The following RFTN2 variants were observed in gnomAD, a reference collection of about 807,000 sequenced individuals.
The protein encoded by RFTN2 is raftlin family member 2.
In RFTN2, 34 loss-of-function variants were observed where a neutral mutation model predicts 52.7. The ratio of observed to expected loss-of-function variants is 0.64; its 90% CI spans 0.49 to 0.86. RFTN2 has a LOEUF of 0.86. Among genes scored for constraint, RFTN2 ranks in the 40% least tolerant of loss-of-function variants. RFTN2 has a pLI of 0.00. For synonymous variants in RFTN2, 203 were observed against 217.7 expected, an observed-to-expected ratio of 0.93 and a Z score of 0.59; for missense variants, 536 against 600.1, an observed-to-expected ratio of 0.89 and a Z score of 1.12.
At chr2:197,675,587 C>CAAAAA (rs1559372035), upstream of RFTN2, 55 of 15,780 alleles carry the variant, frequency 3.5e-3, no homozygotes, top group East Asian at 0.1. Context: ...CTATAGATAA[C>CAAAAA]CAAAAAAAAA....
chr2:197,615,988 A>G lies in RFTN2; in HGVS notation c.1051-9T>C. The G allele has an allele frequency of 6.7e-7, 1 of 1,497,188 alleles. No individual in the cohort carries two copies. The highest frequency in any genetic ancestry group is 9.1e-7 in the Non-Finnish European group (1 of 1,097,008). 92.7% of individuals were successfully genotyped at this position (1,497,188 alleles called of 1,614,324 possible). On this transcript the variant is annotated splice_polypyrimidine_tract_variant and intron_variant, in intron 6 of 8. Transcript: ENST00000295049. The stretch of plus-strand genomic sequence containing the variant: ...GTTTTGATTTCACATCCCTGCATGA[A>G]TAAGTATAAGAGCTCATAGTCTAAT...
intron 7 of RFTN2, among the ~76,000 whole-genome samples, chr2:197,615,413 A>T (rs917083868): frequency 1.1e-4 from 17 of 152,390 alleles, no homozygotes; most frequent in African/African-American, 3.8e-4. Flanking sequence ...CTCTCAAAAA[A>T]GTAAGATTCA....
chr2:197,606,326 A>T (rs1035631780), intron 7 of RFTN2, among the ~76,000 whole-genome samples: 1 of 152,218 alleles, frequency 6.6e-6, no homozygotes, highest in South Asian at 2.1e-4. Context: ...GGCACTCAAG[A>T]AATATTTGAG....
intron 1 of RFTN2, among the ~76,000 whole-genome samples, chr2:197,669,473 A>G (rs1394521871): frequency 1.3e-5 from 2 of 152,076 alleles, no homozygotes; most frequent in African/African-American, 4.8e-5. Context: ...TAACACTAGG[A>G]CAGCGGTCCC....
At chr2:197,589,804 G>C (rs200749414) in intron 8 of RFTN2, among the ~76,000 whole-genome samples, 2 of 151,344 alleles carry the variant, frequency 1.3e-5, no homozygotes, top group Non-Finnish European at 1.5e-5. Context: ...TTTGTGGCTT[G>C]TCTTTTCCTT....
chr2:197,575,829 A>ATTT (rs1198097937), intron 8 of RFTN2, among the ~76,000 whole-genome samples: 5 of 83,522 alleles, frequency 6.0e-5, no homozygotes, highest in African/African-American at 8.1e-5. Context: ...TATTCTATAT[A>ATTT]TAATATATTA....
intron 5 of RFTN2, among the ~76,000 whole-genome samples, chr2:197,621,682 T>C (rs2088268604): frequency 6.6e-6 from 1 of 152,214 alleles, no homozygotes; most frequent in South Asian, 2.1e-4. Flanking sequence ...TTCTGACTGC[T>C]CCACTGACTG....
At chr2:197,660,899 C>A (rs1318626383) in intron 1 of RFTN2, among the ~76,000 whole-genome samples, 1 of 152,014 alleles carries the variant, frequency 6.6e-6, no homozygotes, top group South Asian at 2.1e-4. Context: ...AATTTCAAGT[C>A]CTCTCTTACT....
chr2:197,636,179 TC>T (rs2088562911), intron 3 of RFTN2, among the ~76,000 whole-genome samples: 1 of 151,776 alleles, frequency 6.6e-6, no homozygotes, highest in South Asian at 2.1e-4. Context: ...GTGTGATGCC[TC>T]CAGCTTTGTT....
chr2:197,650,906 C>T (rs932642087), intron 1 of RFTN2, among the ~76,000 whole-genome samples: 7 of 152,194 alleles, frequency 4.6e-5, no homozygotes, highest in Non-Finnish European at 8.8e-5. Context: ...TACATTCCCA[C>T]CAACAGTACA....
At chr2:197,627,841 C>T (rs2088391186) in intron 5 of RFTN2, among the ~76,000 whole-genome samples, 1 of 152,026 alleles carries the variant, frequency 6.6e-6, no homozygotes, top group African/African-American at 2.4e-5. Flanking sequence ...TTACACTCTG[C>T]TGAAGTAGAA....
intron 4 of RFTN2, among the ~76,000 whole-genome samples, chr2:197,632,760 A>T (rs1404357108): frequency 6.6e-6 from 1 of 152,166 alleles, no homozygotes; most frequent in African/African-American, 2.4e-5. Flanking sequence ...GGTGGAGCTT[A>T]TGTGGCTAAA....
chr2:197,615,648 G>T, intron 7 of RFTN2, among the ~76,000 whole-genome samples: 1 of 152,142 alleles, frequency 6.6e-6, no homozygotes. Flanking sequence ...CCTGGCTGTG[G>T]GCTGGGGTGA....
intron 5 of RFTN2, among the ~76,000 whole-genome samples, chr2:197,625,433 C>T (rs1385565610): frequency 2.6e-5 from 4 of 151,980 alleles, no homozygotes; most frequent in Non-Finnish European, 4.4e-5. Flanking sequence ...TTTTTTGGTT[C>T]CCCTGTCATT....
At chr2:197,616,338 C>T (rs1212156030) in intron 6 of RFTN2, among the ~76,000 whole-genome samples, 10 of 47,750 alleles carry the variant, frequency 2.1e-4, no homozygotes, top group Admixed American at 2.0e-3. Context: ...TACATCCAGG[C>T]TAGGGTGCAG....
intron 1 of RFTN2, among the ~76,000 whole-genome samples, chr2:197,659,375 T>C (rs1469406738): frequency 6.6e-6 from 1 of 150,490 alleles, no homozygotes; most frequent in African/African-American, 2.5e-5. Context: ...GGTACACTCC[T>C]GTAGGCCCAG....
intron 1 of RFTN2, among the ~76,000 whole-genome samples, chr2:197,650,881 A>T (rs775229733): frequency 6.6e-6 from 1 of 152,206 alleles, no homozygotes; most frequent in Admixed American, 6.5e-5. Context: ...GTTTTCTATG[A>T]TGGCTGAACT....
At chr2:197,661,483 G>A (rs2088976557) in intron 1 of RFTN2, among the ~76,000 whole-genome samples, 1 of 151,922 alleles carries the variant, frequency 6.6e-6, no homozygotes, top group Non-Finnish European at 1.5e-5. Context: ...CTTTTTTATG[G>A]CTGAATAGTA....
chr2:197,610,804 T>C (rs1174970270), intron 7 of RFTN2, among the ~76,000 whole-genome samples: 2 of 152,212 alleles, frequency 1.3e-5, no homozygotes, highest in African/African-American at 4.8e-5. Flanking sequence ...CCTAGTTTAT[T>C]GAGAGTTTTT....
Sources: gnomAD v4.1 joint callset for allele counts (sites outside exome capture counted in the v4.1 genomes callset) on GRCh38, gnomAD v4.1.1 for gene constraint, MANE v1.5 for transcripts, NCBI Gene and HGNC (gene_info 2026-07-23, HGNC 2026-07-21) for gene names.